Variants in INSL6 observed in about 807,000 individuals in gnomAD.
The protein encoded by INSL6 is insulin like 6.
INSL6 carries 16 observed loss-of-function variants against 9.4 expected under a neutral mutation model. The observed-to-expected ratio is 1.70, with a 90% CI of 1.15 to 2.59. INSL6 has a LOEUF of 2.59. Among genes scored for constraint, INSL6 ranks in the 30% most tolerant of loss-of-function variants. INSL6 has a pLI of 0.00. For missense variants in INSL6, 391 were observed against 257.3 expected (o/e 1.52, Z -3.56); for synonymous variants, 154 against 96.9 (o/e 1.59, Z -3.46).
At chr9:5,090,643 C>G in the INSL6 span, 4 of 1,508,368 alleles carry the variant, frequency 2.7e-6, no homozygotes, top group South Asian at 4.0e-5. Flanking sequence ...ATCATCTAGA[C>G]GTTTTCATAG....
the INSL6 span, among the ~76,000 whole-genome samples, chr9:5,083,852 G>A: frequency 1.3e-5 from 2 of 152,170 alleles, no homozygotes; most frequent in Middle Eastern, 3.4e-3. Flanking sequence ...ATGAAGATAC[G>A]TTCCATTTGT....
chr9:5,106,344 G>T, the INSL6 span, among the ~76,000 whole-genome samples: 1 of 152,190 alleles, frequency 6.6e-6, no homozygotes, highest in Non-Finnish European at 1.5e-5. Flanking sequence ...AAACCACAAT[G>T]AGATACCATC....
chr9:5,056,279 T>G, the INSL6 span, among the ~76,000 whole-genome samples: 1 of 152,140 alleles, frequency 6.6e-6, no homozygotes, highest in Non-Finnish European at 1.5e-5. Flanking sequence ...CTTTCTCTTT[T>G]TTTAAATAGC....
the INSL6 span, among the ~76,000 whole-genome samples, chr9:4,998,632 A>T: frequency 1.3e-5 from 2 of 151,914 alleles, no homozygotes; most frequent in African/African-American, 4.8e-5. Flanking sequence ...GTGTGTTGTG[A>T]ATTATAAATC....
At chr9:5,048,380 A>C in the INSL6 span, among the ~76,000 whole-genome samples, 1 of 152,092 alleles carries the variant, frequency 6.6e-6, no homozygotes, top group African/African-American at 2.4e-5. Context: ...TGACCTTGTC[A>C]TCTGCCTGCC....
rs1299924101 is a variant in INSL6 at position 5,129,776 on chromosome 9, A to G, written c.*10+3649T>C. Among the ~76,000 whole-genome samples, 5 of 152,148 alleles carry G rather than the reference A, an allele frequency of 3.3e-5. No individual in the cohort carries two copies. In the East Asian group the frequency reaches 9.6e-4, roughly 29 times the overall value. On this transcript the variant is annotated intron_variant, in intron 3 of 3. Transcript: ENST00000649639. ...TTAGATTTCAAAATGACACTGAGAGAACTGAAAAACTACATCAGTCAAATT... is the reference window on the plus strand; with the variant it reads ...TTAGATTTCAAAATGACACTGAGAGGACTGAAAAACTACATCAGTCAAATT...
At chr9:5,041,163 A>C in the INSL6 span, 2 of 1,196,828 alleles carry the variant, frequency 1.7e-6, no homozygotes, top group Non-Finnish European at 2.4e-6. Context: ...CGCATGGATT[A>C]TGTGCACACC....
At chr9:5,134,206 A>G (rs960661347) in intron 2 of INSL6, among the ~76,000 whole-genome samples, 4 of 151,974 alleles carry the variant, frequency 2.6e-5, no homozygotes, top group Non-Finnish European at 5.9e-5. Flanking sequence ...GAAAAGACCA[A>G]ATCTACGTTT....
chr9:5,034,940 A>G, the INSL6 span, among the ~76,000 whole-genome samples: 1 of 152,036 alleles, frequency 6.6e-6, no homozygotes, highest in African/African-American at 2.4e-5. Context: ...AAAATCAATG[A>G]ATGCTGGAGC....
chr9:5,005,241 C>T, the INSL6 span, among the ~76,000 whole-genome samples: 2 of 151,466 alleles, frequency 1.3e-5, no homozygotes, highest in Admixed American at 6.6e-5. Flanking sequence ...TGAGCCACTG[C>T]ACCCAGTCTG....
the INSL6 span, among the ~76,000 whole-genome samples, chr9:5,039,940 A>G: frequency 6.6e-6 from 1 of 152,206 alleles, no homozygotes; most frequent in Non-Finnish European, 1.5e-5. Flanking sequence ...AAATGTCTTT[A>G]TTGCAGAAAT....
the INSL6 span, among the ~76,000 whole-genome samples, chr9:5,042,750 T>G: frequency 1.3e-5 from 2 of 152,170 alleles, no homozygotes; most frequent in African/African-American, 2.4e-5. Flanking sequence ...CAGGCATTGC[T>G]GCCAGGGGTG....
the INSL6 span, among the ~76,000 whole-genome samples, chr9:5,001,873 G>C: frequency 1.3e-5 from 2 of 151,868 alleles, no homozygotes; most frequent in African/African-American, 4.8e-5. Flanking sequence ...ACTATTCAAG[G>C]TTTCTGTTTC....
At chr9:5,177,799 ACAGTC>A (rs973085418) in intron 1 of INSL6, among the ~76,000 whole-genome samples, 3 of 151,954 alleles carry the variant, frequency 2.0e-5, no homozygotes, top group African/African-American at 7.2e-5. Context: ...GAGAATCCAA[ACAGTC>A]CAGAGGAGGA....
chr9:5,121,109 A>G (rs1823586420), downstream of INSL6, among the ~76,000 whole-genome samples: 1 of 152,194 alleles, frequency 6.6e-6, no homozygotes, highest in South Asian at 2.1e-4. Context: ...GAGGCAGAAT[A>G]GTAGTAGTAG....
chr9:5,145,077 A>G (rs950268645), intron 2 of INSL6, among the ~76,000 whole-genome samples: 4 of 152,156 alleles, frequency 2.6e-5, no homozygotes, highest in East Asian at 1.9e-4. Flanking sequence ...GTATACTTCA[A>G]TGTGTTTTTG....
intron 2 of INSL6, among the ~76,000 whole-genome samples, chr9:5,149,652 A>G (rs1390042268): frequency 1.3e-5 from 2 of 152,196 alleles, no homozygotes; most frequent in East Asian, 3.8e-4. Flanking sequence ...TAAAATGACC[A>G]TATTGCCCAA....
intron 1 of INSL6, among the ~76,000 whole-genome samples, chr9:5,172,656 C>G (rs1825210213): frequency 6.6e-6 from 1 of 152,106 alleles, no homozygotes; most frequent in Admixed American, 6.5e-5. Flanking sequence ...AGGCCAGGTG[C>G]AGTGGCTCAC....
chr9:5,068,747 A>G, the INSL6 span, among the ~76,000 whole-genome samples: 2 of 152,224 alleles, frequency 1.3e-5, no homozygotes, highest in South Asian at 2.1e-4. Context: ...TAAATGATGG[A>G]AAACTATTAA....
Sources: allele counts gnomAD v4.1 joint callset (sites outside exome capture counted in the v4.1 genomes callset), GRCh38; gene constraint gnomAD v4.1.1; transcripts MANE v1.5; gene names NCBI Gene and HGNC (gene_info 2026-07-23, HGNC 2026-07-21).